Variants in NUMB observed in about 807,000 individuals in gnomAD.
The protein encoded by NUMB is NUMB endocytic adaptor protein.
NUMB carries 29 observed loss-of-function variants against 59.7 expected under a neutral mutation model. The ratio of observed to expected loss-of-function variants is 0.49; its 90% CI spans 0.36 to 0.66. The LOEUF (loss-of-function observed/expected upper bound fraction) is 0.66. NUMB is among the 30% of genes least tolerant of loss of function. NUMB has a pLI of 0.00. For synonymous variants in NUMB, 288 were observed against 288.2 expected, an observed-to-expected ratio of 1.00 and a Z score of 0.01; for missense variants, 723 against 822.0, an observed-to-expected ratio of 0.88 and a Z score of 1.47.
intron 6 of NUMB, among the ~76,000 whole-genome samples, chr14:73,309,347 T>C (rs1284257845): frequency 6.6e-6 from 1 of 152,000 alleles, no homozygotes; most frequent in Non-Finnish European, 1.5e-5. Flanking sequence ...ACAGACTGGA[T>C]AAAGAAAATG....
chr14:73,368,048 A>G (rs905223072), intron 2 of NUMB, among the ~76,000 whole-genome samples: 5 of 152,046 alleles, frequency 3.3e-5, no homozygotes, highest in African/African-American at 1.2e-4. Flanking sequence ...AGTGTTTAAA[A>G]AAAAAAAAAA....
At chr14:73,349,286 T>C (rs1218542197) in intron 4 of NUMB, among the ~76,000 whole-genome samples, 1 of 151,594 alleles carries the variant, frequency 6.6e-6, no homozygotes, top group African/African-American at 2.4e-5. Flanking sequence ...ACACCAACTC[T>C]ACTAAAAATA....
intron 1 of NUMB, among the ~76,000 whole-genome samples, chr14:73,411,715 A>C (rs896634999): frequency 5.3e-5 from 8 of 152,190 alleles, no homozygotes; most frequent in Non-Finnish European, 1.2e-4. Context: ...GTAAACGGCT[A>C]ATCTATTTTT....
At chr14:73,406,541 G>A (rs1896681117) in intron 2 of NUMB, among the ~76,000 whole-genome samples, 1 of 152,028 alleles carries the variant, frequency 6.6e-6, no homozygotes, top group Admixed American at 6.6e-5. Context: ...TGTGAATAGT[G>A]CCGCAATAAA....
At chr14:73,370,640 C>T (rs1252116911) in intron 2 of NUMB, among the ~76,000 whole-genome samples, 3 of 151,574 alleles carry the variant, frequency 2.0e-5, no homozygotes, top group Non-Finnish European at 2.9e-5. Flanking sequence ...TGCGATGAGC[C>T]GAGATTGTGC....
chr14:73,373,154 C>T (rs1254440791), intron 2 of NUMB, among the ~76,000 whole-genome samples: 1 of 152,182 alleles, frequency 6.6e-6, no homozygotes, highest in Non-Finnish European at 1.5e-5. Flanking sequence ...CAAGCATCTA[C>T]CAACACCCCA....
At chr14:73,307,404 T>C (rs1890506727) in intron 6 of NUMB, among the ~76,000 whole-genome samples, 1 of 151,700 alleles carries the variant, frequency 6.6e-6, no homozygotes, top group East Asian at 1.9e-4. Flanking sequence ...AGTAAATGCC[T>C]GAGAATGGGG....
intron 3 of NUMB, among the ~76,000 whole-genome samples, chr14:73,356,025 C>T (rs1893762482): frequency 6.6e-6 from 1 of 151,980 alleles, no homozygotes; most frequent in South Asian, 2.1e-4. Context: ...CTTGTAAGAA[C>T]AATAACTTCT....
chr14:73,420,108 G>A (rs111724176), intron 1 of NUMB, among the ~76,000 whole-genome samples: 33 of 152,290 alleles, frequency 2.2e-4, no homozygotes, highest in African/African-American at 7.0e-4. Flanking sequence ...TGATCCACCC[G>A]CCTTGGCCTC....
At chr14:73,394,706 T>G (rs1010979650) in intron 2 of NUMB, among the ~76,000 whole-genome samples, 1 of 152,230 alleles carries the variant, frequency 6.6e-6, no homozygotes, top group Non-Finnish European at 1.5e-5. Context: ...CCCTAGATCC[T>G]GGCAACCATC....
In NUMB at chr14:73,287,188, C is replaced by T; in HGVS notation, c.577G>A (p.Gly193Arg). The T allele has an allele frequency of 6.2e-7, 1 of 1,613,846 alleles. No individual in the cohort carries two copies. The highest frequency in any genetic ancestry group is 8.5e-7 in the Non-Finnish European group (1 of 1,179,988). ...GTGGCTGTTGTGACACGGAATGATC[C>T]TTCTCTTGTAAAAGTGGTCCGACTA... ...DASRTTFTREGSFRVTTATEQ... is the reference protein window; with the variant it reads ...DASRTTFTRERSFRVTTATEQ... Residue 193 changes from glycine (G) to arginine (R), a missense_variant, in exon 9 of 13, where the codon GGA becomes AGA. Physicochemically the swap from Gly to Arg is moderately radical, Grantham distance 125. Coordinates refer to ENST00000555238, the MANE Select transcript of NUMB (RefSeq NM_001005743.2).
chr14:73,362,608 A>G (rs1375273466), intron 3 of NUMB, among the ~76,000 whole-genome samples: 1 of 151,824 alleles, frequency 6.6e-6, no homozygotes, highest in Non-Finnish European at 1.5e-5. Flanking sequence ...ATGCCCAGCT[A>G]TTTTTTGTAG....
At chr14:73,346,480 C>CA (rs144434568) in intron 4 of NUMB, among the ~76,000 whole-genome samples, 21,530 of 114,708 alleles carry the variant, frequency 0.19, 3,037 homozygotes, top group African/African-American at 0.42. Context: ...AACTCTGTCT[C>CA]AAAAAAAAAA....
intron 1 of NUMB, among the ~76,000 whole-genome samples, chr14:73,454,061 T>C (rs892508280): frequency 2.0e-5 from 3 of 150,122 alleles, no homozygotes; most frequent in African/African-American, 7.6e-5. Flanking sequence ...AGGGAAAAAG[T>C]TGGGCGGGGG....
chr14:73,377,605 ACT>A (rs1895014724), intron 2 of NUMB, among the ~76,000 whole-genome samples: 2 of 151,832 alleles, frequency 1.3e-5, no homozygotes, highest in Non-Finnish European at 1.5e-5. Context: ...ATGCCATTAC[ACT>A]CCAGCCTGGG....
At chr14:73,454,491 C>G (rs905008234) in intron 1 of NUMB, among the ~76,000 whole-genome samples, 1 of 152,010 alleles carries the variant, frequency 6.6e-6, no homozygotes, top group Admixed American at 6.6e-5. Flanking sequence ...TATTGTACAG[C>G]GAGTTGGAGA....
At chr14:73,418,262 TATAAG>T (rs1267591034) in intron 1 of NUMB, among the ~76,000 whole-genome samples, 2 of 152,158 alleles carry the variant, frequency 1.3e-5, no homozygotes, top group Non-Finnish European at 2.9e-5. Flanking sequence ...ATTCCATGTA[TATAAG>T]ATAACCAGAA....
intron 1 of NUMB, among the ~76,000 whole-genome samples, chr14:73,445,713 T>C (rs1221502960): frequency 6.6e-6 from 1 of 152,168 alleles, no homozygotes; most frequent in African/African-American, 2.4e-5. Context: ...GATTATCTCA[T>C]ATAACCTTCA....
chr14:73,330,204 A>AT (rs904279177), intron 4 of NUMB, among the ~76,000 whole-genome samples: 9 of 151,698 alleles, frequency 5.9e-5, no homozygotes, highest in African/African-American at 2.2e-4. Flanking sequence ...TAATTTTTGT[A>AT]TTTTTTTTGT....
Sources: allele counts gnomAD v4.1 joint callset (sites outside exome capture counted in the v4.1 genomes callset), GRCh38; gene constraint gnomAD v4.1.1; transcripts MANE v1.5; gene names NCBI Gene and HGNC (gene_info 2026-07-23, HGNC 2026-07-21).